Variants in SLC35F1 observed in about 807,000 individuals in gnomAD.
SLC35F1 encodes the protein chromosome 6 open reading frame 169.
A neutral mutation model predicts 48.7 loss-of-function variants in SLC35F1; 14 were observed. That is an observed-to-expected ratio of 0.29 (90% CI 0.19 to 0.45). The LOEUF (loss-of-function observed/expected upper bound fraction) is 0.45, where lower values mean the gene tolerates loss of function less well. Ranked by LOEUF, SLC35F1 falls within the 20% of genes least tolerant of loss-of-function variation. The pLI is 1.00. For synonymous variants in SLC35F1, 190 were observed against 202.2 expected (o/e 0.94, Z 0.51); for missense variants, 404 against 500.0 (o/e 0.81, Z 1.83).
At chr6:118,303,598 A>G (rs1240860930) in intron 7 of SLC35F1, among the ~76,000 whole-genome samples, 1 of 152,128 alleles carries the variant, frequency 6.6e-6, no homozygotes, top group Non-Finnish European at 1.5e-5. Context: ...TTATCGTGGT[A>G]CTCTATGCTT....
intron 1 of SLC35F1, among the ~76,000 whole-genome samples, chr6:117,914,606 C>T (rs990869446): frequency 2.6e-5 from 4 of 152,162 alleles, no homozygotes; most frequent in African/African-American, 9.7e-5. Flanking sequence ...CTAGTATGGC[C>T]TCTGGGTGCC....
intron 1 of SLC35F1, among the ~76,000 whole-genome samples, chr6:117,995,494 G>T (rs2114861334): frequency 6.6e-6 from 1 of 152,320 alleles, no homozygotes; most frequent in African/African-American, 2.4e-5. Flanking sequence ...TGTAATCCCA[G>T]CACTTTAGGA....
At chr6:118,046,650 G>A (rs1175041174) in intron 1 of SLC35F1, among the ~76,000 whole-genome samples, 1 of 152,118 alleles carries the variant, frequency 6.6e-6, no homozygotes, top group African/African-American at 2.4e-5. Flanking sequence ...ATGAGAAAAT[G>A]TTTGTATAGC....
chr6:117,923,702 T>TATATGTAC (rs1562238830), intron 1 of SLC35F1, among the ~76,000 whole-genome samples: 607 of 17,434 alleles, frequency 0.035, 193 homozygotes, highest in South Asian at 0.21. Context: ...TACATATACA[T>TATATGTAC]ATATGTACAT....
chr6:117,916,554 TG>T (rs1775828266), intron 1 of SLC35F1, among the ~76,000 whole-genome samples: 1 of 152,168 alleles, frequency 6.6e-6, no homozygotes, highest in African/African-American at 2.4e-5. Flanking sequence ...AGAGTAAGGC[TG>T]ACAATAGCTA....
At chr6:117,911,425 CCCTT>C (rs1195699234) in intron 1 of SLC35F1, among the ~76,000 whole-genome samples, 22 of 122,520 alleles carry the variant, frequency 1.8e-4, no homozygotes, top group East Asian at 7.1e-4. Flanking sequence ...CTCCCTCCCT[CCCTT>C]CCTTCCTTCC....
chr6:117,917,451 C>T (rs903808396), intron 1 of SLC35F1, among the ~76,000 whole-genome samples: 5 of 151,618 alleles, frequency 3.3e-5, no homozygotes, highest in Non-Finnish European at 4.4e-5. Context: ...AGCTGGCTGG[C>T]CTGTAGCAAC....
intron 1 of SLC35F1, among the ~76,000 whole-genome samples, chr6:117,913,496 C>G (rs1775788681): frequency 6.6e-6 from 1 of 152,110 alleles, no homozygotes; most frequent in Admixed American, 6.6e-5. Context: ...TAAATGCTTC[C>G]CAGTGTCTAG....
At chr6:118,253,017 A>C (rs992041709) in intron 3 of SLC35F1, among the ~76,000 whole-genome samples, 1 of 152,134 alleles carries the variant, frequency 6.6e-6, no homozygotes, top group African/African-American at 2.4e-5. Context: ...TTCACATTAG[A>C]TAAGTAGGTG....
At chr6:118,008,516 G>C (rs753505886) in intron 1 of SLC35F1, among the ~76,000 whole-genome samples, 26 of 152,288 alleles carry the variant, frequency 1.7e-4, no homozygotes, top group Non-Finnish European at 3.1e-4. Flanking sequence ...CGTAATAAAA[G>C]TTACAGCATG....
intron 3 of SLC35F1, among the ~76,000 whole-genome samples, chr6:118,257,220 C>T (rs1373311352): frequency 6.6e-6 from 1 of 152,008 alleles, no homozygotes; most frequent in Non-Finnish European, 1.5e-5. Flanking sequence ...TGCTCCACCC[C>T]AAAGAGGAAA....
At chr6:118,039,347 CTGTT>C (rs773334056) in intron 1 of SLC35F1, among the ~76,000 whole-genome samples, 9 of 151,912 alleles carry the variant, frequency 5.9e-5, no homozygotes, top group Non-Finnish European at 1.3e-4. Context: ...TTTAATTAGT[CTGTT>C]TGGTGTTCAC....
At chr6:118,139,535 G>T (rs918318670) in intron 1 of SLC35F1, among the ~76,000 whole-genome samples, 4 of 152,204 alleles carry the variant, frequency 2.6e-5, no homozygotes, top group African/African-American at 9.6e-5. Flanking sequence ...AAGTGCCATT[G>T]GAAGGATGCT....
At chr6:118,259,814 A>G (rs1018490579) in intron 3 of SLC35F1, among the ~76,000 whole-genome samples, 4 of 152,210 alleles carry the variant, frequency 2.6e-5, no homozygotes, top group East Asian at 3.9e-4. Context: ...GAGTTTAGCA[A>G]TTCCTCAAAG....
intron 2 of SLC35F1, among the ~76,000 whole-genome samples, chr6:118,179,241 G>T (rs749022545): frequency 6.6e-6 from 1 of 152,114 alleles, no homozygotes; most frequent in African/African-American, 2.4e-5. Flanking sequence ...GGAGTCGCAT[G>T]ATCTGCCATC....
intron 2 of SLC35F1, among the ~76,000 whole-genome samples, chr6:118,193,887 T>C (rs550821438): frequency 1.4e-4 from 22 of 152,354 alleles, no homozygotes; most frequent in African/African-American, 4.6e-4. Context: ...AAACCTAATA[T>C]CTGACCTAAT....
intron 1 of SLC35F1, among the ~76,000 whole-genome samples, chr6:117,983,882 T>C (rs569586949): frequency 6.6e-6 from 1 of 152,274 alleles, no homozygotes; most frequent in Admixed American, 6.5e-5. Flanking sequence ...AACTCGTGTG[T>C]CTAGGCCACT....
At chr6:118,062,249 T>C (rs1293723390) in intron 1 of SLC35F1, among the ~76,000 whole-genome samples, 2 of 152,200 alleles carry the variant, frequency 1.3e-5, no homozygotes, top group Admixed American at 6.5e-5. Flanking sequence ...AGAGGGCTGA[T>C]TGGCTATAAT....
chr6:118,140,012 G>A (rs1225797640), intron 1 of SLC35F1, among the ~76,000 whole-genome samples: 1 of 152,052 alleles, frequency 6.6e-6, no homozygotes, highest in Non-Finnish European at 1.5e-5. Context: ...TAAAAAAATG[G>A]ATGAAGCCAT....
Sources: allele counts gnomAD v4.1 joint callset (sites outside exome capture counted in the v4.1 genomes callset), GRCh38; gene constraint gnomAD v4.1.1; transcripts MANE v1.5; gene names NCBI Gene and HGNC (gene_info 2026-07-23, HGNC 2026-07-21).